The following CRADD variants were observed in gnomAD, a reference collection of about 807,000 sequenced individuals.
CRADD encodes the protein CARD and death domain containing adaptor protein, also known as death domain-containing protein CRADD.
CRADD carries 9 observed loss-of-function variants against 15.5 expected under a neutral mutation model. That is an observed-to-expected ratio of 0.58 (90% CI 0.35 to 1.01). The LOEUF (loss-of-function observed/expected upper bound fraction) is 1.01. Among genes scored for constraint, CRADD ranks in the 50% least tolerant of loss-of-function variants. The probability of loss-of-function intolerance (pLI) is 0.02; values close to 1 mark genes in which losing one functional copy is unlikely to be tolerated. For missense variants in CRADD, 227 were observed against 250.3 expected, an observed-to-expected ratio of 0.91 and a Z score of 0.63; for synonymous variants, 118 against 107.6, an observed-to-expected ratio of 1.10 and a Z score of -0.60.
At chr12:93,817,745 G>A (rs1957723006) in intron 2 of CRADD, among the ~76,000 whole-genome samples, 1 of 151,964 alleles carries the variant, frequency 6.6e-6, no homozygotes, top group African/African-American at 2.4e-5. Flanking sequence ...CCATTTGATG[G>A]CTCACATTCC....
chr12:93,861,010 T>A (rs966445141), intron 2 of CRADD, among the ~76,000 whole-genome samples: 5 of 152,224 alleles, frequency 3.3e-5, no homozygotes, highest in Non-Finnish European at 7.3e-5. Context: ...CATTTAAAGC[T>A]CAAATAAACT....
intron 2 of CRADD, among the ~76,000 whole-genome samples, chr12:93,892,654 A>C (rs1958584468): frequency 6.6e-6 from 1 of 152,052 alleles, no homozygotes; most frequent in Non-Finnish European, 1.5e-5. Flanking sequence ...TGGCCTTGGA[A>C]GGGGGGCCCT....
intron 2 of CRADD, among the ~76,000 whole-genome samples, chr12:93,801,794 C>G (rs1158679778): frequency 6.6e-6 from 1 of 152,056 alleles, no homozygotes; most frequent in Non-Finnish European, 1.5e-5. Flanking sequence ...TTTTAGTGCA[C>G]CCGTCACTTG....
At chr12:93,858,821 C>T (rs1958295811) in intron 2 of CRADD, among the ~76,000 whole-genome samples, 1 of 152,220 alleles carries the variant, frequency 6.6e-6, no homozygotes, top group African/African-American at 2.4e-5. Context: ...GGTCCTACCC[C>T]ATACCTGGGA....
chr12:93,769,885 G>C (rs1412267994), intron 2 of CRADD, among the ~76,000 whole-genome samples: 1 of 152,124 alleles, frequency 6.6e-6, no homozygotes, highest in Admixed American at 6.5e-5. Flanking sequence ...ATATATTCTA[G>C]ATGTAAGTTC....
intron 2 of CRADD, among the ~76,000 whole-genome samples, chr12:93,882,588 A>G (rs1344587512): frequency 6.6e-6 from 1 of 152,190 alleles, no homozygotes; most frequent in Non-Finnish European, 1.5e-5. Context: ...CATCATGAAT[A>G]TAATGTCTAT....
At chr12:93,743,977 A>G (rs1382820594) in intron 2 of CRADD, among the ~76,000 whole-genome samples, 1 of 152,246 alleles carries the variant, frequency 6.6e-6, no homozygotes, top group Non-Finnish European at 1.5e-5. Context: ...CTAAATAAAG[A>G]TAAATGAGTT....
chr12:93,750,073 G>A (rs1956812545), intron 2 of CRADD, among the ~76,000 whole-genome samples: 1 of 152,186 alleles, frequency 6.6e-6, no homozygotes, highest in South Asian at 2.1e-4. Context: ...TTTTAGCAGG[G>A]CTACTTCAGA....
At chr12:93,871,492 G>T (rs889539411) in intron 2 of CRADD, among the ~76,000 whole-genome samples, 1 of 152,042 alleles carries the variant, frequency 6.6e-6, no homozygotes. Context: ...CTATCAAATA[G>T]TAGGTCTTAT....
chr12:93,844,778 A>G (rs1251465375), intron 2 of CRADD, among the ~76,000 whole-genome samples: 1 of 152,202 alleles, frequency 6.6e-6, no homozygotes, highest in Non-Finnish European at 1.5e-5. Flanking sequence ...CAGCAAGCAA[A>G]CAAACAAAAA....
chr12:93,855,996 C>G (rs532895576), intron 2 of CRADD, among the ~76,000 whole-genome samples: 9 of 152,192 alleles, frequency 5.9e-5, no homozygotes, highest in African/African-American at 2.2e-4. Flanking sequence ...GTAGTAGAGA[C>G]GGGGTTTCGC....
chr12:93,688,389 G>A (rs575414972), intron 2 of CRADD, among the ~76,000 whole-genome samples: 2 of 152,010 alleles, frequency 1.3e-5, no homozygotes, highest in South Asian at 4.1e-4. Flanking sequence ...TGTCATCCCA[G>A]CTTCTTGGGT....
chr12:93,710,345 CTTTTTT>C (rs34912218), intron 2 of CRADD, among the ~76,000 whole-genome samples: 5 of 128,290 alleles, frequency 3.9e-5, no homozygotes, highest in African/African-American at 1.2e-4. Flanking sequence ...TTTCCTTTTC[CTTTTTT>C]TTTTTTTTTT....
At chr12:93,709,829 C>T (rs1252130764) in intron 2 of CRADD, among the ~76,000 whole-genome samples, 3 of 152,166 alleles carry the variant, frequency 2.0e-5, no homozygotes, top group Non-Finnish European at 4.4e-5. Context: ...GGTCTTTGAG[C>T]CATAGTACTT....
At chr12:93,820,643 C>T (rs1026975692) in intron 2 of CRADD, among the ~76,000 whole-genome samples, 1 of 152,170 alleles carries the variant, frequency 6.6e-6, no homozygotes, top group Non-Finnish European at 1.5e-5. Context: ...ATTTCCCCAT[C>T]GCTTGCCACT....
intron 2 of CRADD, among the ~76,000 whole-genome samples, chr12:93,773,706 C>G (rs2131725): frequency 0.57 from 85,868 of 151,372 alleles, 25,219 homozygotes; most frequent in East Asian, 0.89. Flanking sequence ...TGGCAGGAGA[C>G]GGGAGAGAGT....
Position 93,713,836 on chromosome 12 carries a change from A to C in CRADD, c.298+34764A>C, listed in dbSNP as rs191987226. The stretch of plus-strand genomic sequence containing the variant: ...ATATTTTTGATATATTGGGTTACAT[A>C]AAATATATTAAAATTAATTTCATCT... On this transcript the variant is annotated intron_variant, in intron 2 of 2. Transcript: ENST00000332896. Among the ~76,000 whole-genome samples the C allele has an allele frequency of 2.8e-4, 43 of 152,308 alleles. 2 individuals are homozygous for C. Among genetic ancestry groups the C allele is most frequent in the Admixed American group, 2.0e-3 (31 of 15,290 alleles).
At chr12:93,708,997 C>T (rs1242456689) in intron 2 of CRADD, 2 of 152,186 alleles carry the variant, frequency 1.3e-5, no homozygotes, top group Non-Finnish European at 2.9e-5. Context: ...TCTCGGGCTT[C>T]TTTTATATGG....
intron 2 of CRADD, among the ~76,000 whole-genome samples, chr12:93,697,058 T>C (rs950666718): frequency 1.3e-5 from 2 of 152,176 alleles, no homozygotes; most frequent in East Asian, 1.9e-4. Context: ...AAATCTGACA[T>C]GTTTTCTTCA....
Sources: gnomAD v4.1 joint callset for allele counts (sites outside exome capture counted in the v4.1 genomes callset) on GRCh38, gnomAD v4.1.1 for gene constraint, MANE v1.5 for transcripts, NCBI Gene and HGNC (gene_info 2026-07-23, HGNC 2026-07-21) for gene names.